The following PRH1 variants were observed in gnomAD, a reference collection of about 807,000 sequenced individuals.
PRH1 encodes proline rich protein HaeIII subfamily 1.
In PRH1, 7 loss-of-function variants were observed where a neutral mutation model predicts 7.9. That is an observed-to-expected ratio of 0.89 (90% CI 0.50 to 1.67). The LOEUF (loss-of-function observed/expected upper bound fraction) is 1.67. Among genes scored for constraint, PRH1 ranks in the 40% most tolerant of loss-of-function variants. PRH1 has a pLI of 0.00. For missense variants in PRH1, 109 were observed against 223.6 expected (o/e 0.49, Z 3.27); for synonymous variants, 45 against 80.8 (o/e 0.56, Z 2.38).
chr12:10,938,147 T>C lies in PRH1; in HGVS notation c.-59+35508A>G, dbSNP rs77492248. ...GTTTGGATGGTGTTGATTCCAAGCA[T>C]ATCTTTGTAAAATTCACAAAGTTAT... On this transcript the variant is annotated intron_variant, in intron 2 of 3. Transcript: ENST00000539853. 4.4e-3 allele frequency: 3,301 copies of C among 747,190 alleles called. 82 individuals are homozygous for C. In the African/African-American group the frequency reaches 0.05, roughly 11 times the overall value. 46.3% of individuals were successfully genotyped at this position (747,190 alleles called of 1,614,324 possible).
At chr12:11,060,924 A>G (rs1325349094) in intron 1 of PRH1, among the ~76,000 whole-genome samples, 1 of 152,284 alleles carries the variant, frequency 6.6e-6, no homozygotes, top group East Asian at 1.9e-4. Context: ...TTCGAAGCAC[A>G]CTGTGGTATA....
chr12:10,940,782 CCAAA>C (rs1022075537), intron 2 of PRH1, among the ~76,000 whole-genome samples: 3 of 152,092 alleles, frequency 2.0e-5, no homozygotes, highest in African/African-American at 4.8e-5. Flanking sequence ...GCAACAGCTA[CCAAA>C]CAAAGTAGAA....
At chr12:10,995,451 A>G (rs1028327485) in intron 1 of PRH1, among the ~76,000 whole-genome samples, 1 of 152,170 alleles carries the variant, frequency 6.6e-6, no homozygotes, top group African/African-American at 2.4e-5. Flanking sequence ...ACTAGGTTAT[A>G]CATTTTCTTC....
At chr12:11,132,692 C>T (rs763421147) in intron 1 of PRH1, among the ~76,000 whole-genome samples, 7 of 152,196 alleles carry the variant, frequency 4.6e-5, no homozygotes, top group Non-Finnish European at 7.3e-5. Context: ...ATTTACTATA[C>T]GTATACTTCT....
At chr12:11,087,054 C>G (rs1318393631) in intron 1 of PRH1, among the ~76,000 whole-genome samples, 1 of 93,610 alleles carries the variant, frequency 1.1e-5, no homozygotes, top group African/African-American at 3.3e-5. Context: ...ATTATCGATT[C>G]GATACTGTTT....
rs370825050 is a variant in PRH1 at position 10,909,330 on chromosome 12, C to T, written c.-58-25055G>A. 11 of 1,480,848 alleles carry T rather than the reference C, an allele frequency of 7.4e-6. No homozygotes were observed. The African/African-American group carries it at 1.3e-4, about 17-fold the overall frequency. 91.7% of individuals were successfully genotyped at this position (1,480,848 alleles called of 1,614,324 possible). On this transcript the variant is annotated intron_variant, in intron 2 of 3. Coordinates refer to the PRH1 transcript ENST00000539853. ...ACAGAGAAAGTTCAATGTCTAATGT[C>T]ACTGCTGGTTATTCACTGATCTAAA... is the stretch of plus-strand genomic sequence containing the variant.
At chr12:10,952,086 G>A (rs1937702756) in intron 2 of PRH1, among the ~76,000 whole-genome samples, 1 of 152,120 alleles carries the variant, frequency 6.6e-6, no homozygotes, top group South Asian at 2.1e-4. Context: ...GTACACATTT[G>A]TATAACTGAT....
chr12:11,083,747 T>C (rs947503853), intron 1 of PRH1, among the ~76,000 whole-genome samples: 16 of 152,366 alleles, frequency 1.1e-4, no homozygotes, highest in Non-Finnish European at 1.3e-4. Context: ...TGTCTCACTT[T>C]AGAATTTCAC....
chr12:10,991,213 A>G (rs528173961), intron 1 of PRH1, among the ~76,000 whole-genome samples: 40 of 152,326 alleles, frequency 2.6e-4, no homozygotes, highest in African/African-American at 7.7e-4. Context: ...ATTATTTCAT[A>G]CCATATATAA....
At chr12:10,972,940 C>CCCT (rs1938902900) in intron 2 of PRH1, among the ~76,000 whole-genome samples, 1 of 131,788 alleles carries the variant, frequency 7.6e-6, no homozygotes, top group Non-Finnish European at 1.6e-5. Context: ...CCACCCCCCC[C>CCCT]GCCCGCCCAC....
At chr12:10,908,685 A>C (rs1565464042) in intron 2 of PRH1, 5 of 1,613,864 alleles carry the variant, frequency 3.1e-6, no homozygotes, top group Non-Finnish European at 4.2e-6. Flanking sequence ...ATGTTTCTGC[A>C]GGGAGAAAAT....
intron 1 of PRH1, among the ~76,000 whole-genome samples, chr12:11,027,156 T>C (rs1220618243): frequency 1.1e-4 from 16 of 150,016 alleles, no homozygotes; most frequent in East Asian, 1.9e-4. Flanking sequence ...TCCCAGCTGC[T>C]AGCAATGCAG....
chr12:10,993,614 A>G (rs1940051998), intron 1 of PRH1, among the ~76,000 whole-genome samples: 1 of 152,142 alleles, frequency 6.6e-6, no homozygotes, highest in African/African-American at 2.4e-5. Context: ...AAAATGAGAC[A>G]CAATATTTGT....
chr12:11,036,912 A>C (rs941143972), intron 1 of PRH1, among the ~76,000 whole-genome samples: 2 of 152,206 alleles, frequency 1.3e-5, no homozygotes, highest in Admixed American at 1.3e-4. Flanking sequence ...GTTTCTAAGT[A>C]CTGGAGCTCA....
intron 1 of PRH1, chr12:11,133,686 G>C: frequency 6.2e-7 from 1 of 1,614,206 alleles, no homozygotes; most frequent in Non-Finnish European, 8.5e-7. Flanking sequence ...AGAGTGAGGG[G>C]TACAAAGTTT....
At chr12:10,927,422 C>A (rs907321008) in intron 2 of PRH1, among the ~76,000 whole-genome samples, 4 of 152,172 alleles carry the variant, frequency 2.6e-5, no homozygotes, top group Non-Finnish European at 4.4e-5. Flanking sequence ...GGCTTAAGCA[C>A]CTACCCTGTG....
intron 1 of PRH1, among the ~76,000 whole-genome samples, chr12:11,013,078 G>A (rs1410926680): frequency 6.6e-6 from 1 of 152,082 alleles, no homozygotes; most frequent in Non-Finnish European, 1.5e-5. Flanking sequence ...ATCCCAACAA[G>A]CCTGTTTTGC....
intron 1 of PRH1, among the ~76,000 whole-genome samples, chr12:11,002,134 A>T (rs1940622729): frequency 6.6e-6 from 1 of 152,114 alleles, no homozygotes; most frequent in South Asian, 2.1e-4. Flanking sequence ...CTTTCCCATA[A>T]TAATAATCTT....
At position 11,099,785 on chromosome 12, in the gene PRH1, G is replaced by GA. The variant is rs370838522; in HGVS notation, n.124-52598dup. ...ATGTTTTAGAGGGTCTTCTCTTGCA[G>GA]AAAAACATAACTGATAAAAGAACTC... is the stretch of plus-strand genomic sequence containing the variant. On this transcript the variant is annotated intron_variant and non_coding_transcript_variant, in intron 1 of 4. Transcript: ENST00000541977. 6.9e-3 allele frequency among the ~76,000 whole-genome samples: 1,053 copies of GA among 152,144 alleles called. 15 individuals carry two copies. Among genetic ancestry groups the GA allele is most frequent in the African/African-American group, 0.025 (1,019 of 41,522 alleles).
Sources: allele counts gnomAD v4.1 joint callset (sites outside exome capture counted in the v4.1 genomes callset), GRCh38; gene constraint gnomAD v4.1.1; transcripts MANE v1.5; gene names NCBI Gene and HGNC (gene_info 2026-07-23, HGNC 2026-07-21).